Variants in TTN observed in about 807,000 individuals in gnomAD.
The protein encoded by TTN is connectin.
In TTN, 1,525 loss-of-function variants were observed where a neutral mutation model predicts 3,223.0. The ratio of observed to expected loss-of-function variants is 0.47; its 90% confidence interval spans 0.45 to 0.49. TTN has a LOEUF of 0.49. Ranked by LOEUF, TTN falls within the 20% of genes least tolerant of loss-of-function variation. The pLI is 0.00. For missense variants in TTN, 40,786 were observed against 43,424.0 expected (o/e 0.94, Z 5.40); for synonymous variants, 14,094 against 15,161.0 (o/e 0.93, Z 5.17).
chr2:178,621,505 A>T lies in TTN; in HGVS notation c.45319T>A (p.Ser15107Thr). The T allele has an allele frequency of 6.2e-7, 1 of 1,612,416 alleles. No individual in the cohort carries two copies. Among genetic ancestry groups the T allele is most frequent in the Non-Finnish European group, 8.5e-7 (1 of 1,179,090 alleles). ...AGNYNCRLPS[S>T]RTDGKVKVHE... Reference sequence around the variant, plus strand: ...ACTTTGACTTTGCCATCGGTTCGAGAGCTTGGGAGTCGACAGTTGTAGTTG... The same window carrying T: ...ACTTTGACTTTGCCATCGGTTCGAGTGCTTGGGAGTCGACAGTTGTAGTTG... The change falls in exon 245 of 363, where the codon TCT becomes ACT. Residue 15107 changes from serine (S) to threonine (T), a missense_variant. Physicochemically the swap from Ser to Thr is moderately conservative, Grantham distance 58. Coordinates refer to ENST00000589042, the MANE Select transcript of TTN (RefSeq NM_001267550.2).
In TTN at chr2:178,634,262, AT is replaced by A. The variant is rs2060147889; in HGVS notation, c.42415+103del. 6.7e-6 allele frequency: 10 copies of A among 1,502,516 alleles called. No individual in the cohort carries two copies. Among genetic ancestry groups the A allele is most frequent in the Middle Eastern group, 1.8e-4 (1 of 5,708 alleles). The allele number at this position is 1,502,516 out of a possible 1,614,324, so 93.1% of individuals were successfully genotyped here. A position where few individuals can be genotyped will look rare whatever the true frequency, so the allele number is the denominator to read the frequency against. ...TGTTTTGGTAACACTGTGAAAGTTA[AT>A]TAGTGATGCATTATCACAGCTTTTA... On this transcript the variant is annotated intron_variant, in intron 230 of 362. Transcript: ENST00000589042. This position sits in a 1 kb window ranked among gnomAD's most constrained non-coding sequence, Gnocchi z 4.6.
chr2:178,724,439 A>G lies in TTN; in HGVS notation c.20936T>C (p.Val6979Ala). The G allele has an allele frequency of 6.2e-7, 1 of 1,613,430 alleles. No homozygotes were observed. Among genetic ancestry groups the G allele is most frequent in the Non-Finnish European group, 8.5e-7 (1 of 1,179,542 alleles). ...CKVAGTPELSVEWYKDGKLLT... is the reference protein window; with the variant it reads ...CKVAGTPELSAEWYKDGKLLT... ...CAGCTTTCCATCCTTGTACCATTCA[A>G]CAGAGAGTTCCGGAGTGCCAGCCAC... Residue 6979 changes from valine to alanine, a missense_variant, in exon 72 of 363, where the codon GTT (valine) becomes GCT (alanine). Coordinates refer to ENST00000589042, the MANE Select transcript of TTN (RefSeq NM_001267550.2).
rs1690786587 is a variant in TTN, at chr2:178,534,986, G to T, written c.101629C>A (p.His33877Asn). 6.2e-7 allele frequency: 1 copy of T among 1,613,620 alleles called. No homozygotes were observed. Among genetic ancestry groups the T allele is most frequent in the African/African-American group, 1.3e-5 (1 of 75,030 alleles). Residue 33877 changes from histidine (H) to asparagine (N), a missense_variant, in exon 358 of 363, where the codon CAC becomes AAC. Transcript: ENST00000589042. ...LNIARHRNIL[H>N]LHESFESMEE... ...ATGCTTTCAAATGATTCATGGAGGT[G>T]TAAGATGTTTCTATGCCTAGCAATA...
At position 178,593,355 on chromosome 2, in the gene TTN, C is replaced by G; in HGVS notation, c.58853G>C (p.Arg19618Thr). Reference protein sequence around the residue: ...KPITNYILEKRETMSKRWARV... With the variant: ...KPITNYILEKTETMSKRWARV... ...AGCCCATCGTTTAGACATAGTTTCT[C>G]TCTTTTCCAGGATGTAGTTTGTGAT... Residue 19618 changes from arginine to threonine, a missense_variant, in exon 299 of 363, where the codon AGA becomes ACA. Transcript: ENST00000589042. The G allele has an allele frequency of 1.2e-6, 2 of 1,613,344 alleles. No homozygotes were observed. The highest frequency in any genetic ancestry group is 1.7e-6 in the Non-Finnish European group (2 of 1,179,540).
At position 178,550,237 on chromosome 2, in the gene TTN, T is replaced by A. The variant is rs182549226; in HGVS notation, c.91601A>T (p.Asp30534Val). ...CTCTCCGGACTTAATAATGAGACCA[T>A]CAAAGTATTCAGGGCCAAACTCTAC... The part of the protein sequence containing the change: ...PIVEFGPEYF[D>V]GLIIKSGESL... The change falls in exon 337 of 363, where the codon GAT becomes GTT. Residue 30534 changes from aspartate to valine, a missense_variant. Transcript: ENST00000589042. The A allele has an allele frequency of 9.4e-4, 1,514 of 1,613,256 alleles. No individual in the cohort carries two copies. The highest frequency in any genetic ancestry group is 1.0e-3 in the Non-Finnish European group (1,214 of 1,179,530).
chr2:178,732,156 C>T lies in TTN; in HGVS notation c.16813G>A (p.Asp5605Asn). ...TCACCACTGTCTTCGATGCCAACAT[C>T]TGTCAGTCTTAGAACTGCAGTAGAC... The part of the protein sequence containing the change: ...VESTAVLRLT[D>N]VGIEDSGEYM... The change falls in exon 57 of 363, where the codon GAT (aspartate) becomes AAT (asparagine). Residue 5605 changes from aspartate to asparagine, a missense_variant. Coordinates refer to ENST00000589042, the MANE Select transcript of TTN (RefSeq NM_001267550.2). The T allele has an allele frequency of 2.5e-6, 4 of 1,613,812 alleles. No individual in the cohort carries two copies. The highest frequency in any genetic ancestry group is 2.5e-6 in the Non-Finnish European group (3 of 1,179,754).
chr2:178,689,558 T>G lies in TTN; in HGVS notation c.31884A>C (p.Lys10628Asn). The G allele has an allele frequency of 1.2e-6, 2 of 1,610,224 alleles. No individual in the cohort carries two copies. The highest frequency in any genetic ancestry group is 1.7e-6 in the Non-Finnish European group (2 of 1,177,926). ...CCTCTCTTTGAGTTACAATGGTTAT[T>G]TTTTCTTCTGTCACAACTCCCTTCT... ...EVQKGVVTEE[K>N]ITIVTQREES... The change falls in exon 123 of 363, where the codon AAA (lysine) becomes AAC (asparagine). Residue 10628 changes from lysine (K) to asparagine (N), a missense_variant. Lys to Asn is a moderately conservative substitution (Grantham distance 94). Transcript: ENST00000589042.
In TTN at chr2:178,615,662, C is replaced by T; in HGVS notation, c.48439G>A (p.Val16147Ile). 6.2e-7 allele frequency: 1 copy of T among 1,612,422 alleles called. No individual in the cohort carries two copies. Among genetic ancestry groups the T allele is most frequent in the Non-Finnish European group, 8.5e-7 (1 of 1,178,928 alleles). The change falls in exon 258 of 363, where the codon GTA becomes ATA. Residue 16147 changes from valine (V) to isoleucine (I), a missense_variant. Transcript: ENST00000589042. ...TCACTTGCAGGAGTTGACATATTTA[C>T]AGGTTCATCAACATATGCAGGTTCT... ...PGEPAYVDEP[V>I]NMSTPATVPD... is the part of the protein sequence containing the mutation.
At position 178,730,810 on chromosome 2, in the gene TTN, AAAC is replaced by A. The variant is rs1227943696; in HGVS notation, c.17741-21_17741-19del. 4 of 1,548,390 alleles carry A rather than the reference AAAC, an allele frequency of 2.6e-6. 1 individual carries two copies. The highest frequency in any genetic ancestry group is 2.5e-5 in the South Asian group (2 of 79,864). On this transcript the variant is annotated intron_variant, in intron 60 of 362. Transcript: ENST00000589042. ...GATAAGATCTATTCAATGAAAAAGC[AAAC>A]AACAACAAAAAAAGGTCAATCTACT...
In TTN at chr2:178,617,227, C is replaced by T. The variant is rs763457943; in HGVS notation, c.47768G>A (p.Gly15923Glu). Residue 15923 changes from glycine (G) to glutamate (E), a missense_variant, in exon 255 of 363, where the codon GGA (glycine) becomes GAA (glutamate). Gly to Glu is a moderately conservative substitution (Grantham distance 98). Transcript: ENST00000589042. ...LVPELTYKVTGLEKGNKYLYR... is the reference protein window; with the variant it reads ...LVPELTYKVTELEKGNKYLYR... ...TAAATATTTATTTCCTTTTTCCAAT[C>T]CGGTAACCTACGATTATGAATTAAT... The T allele has an allele frequency of 1.3e-6, 2 of 1,546,642 alleles. No homozygotes were observed. The highest frequency in any genetic ancestry group is 2.5e-5 in the South Asian group (2 of 80,958).
At position 178,539,480 on chromosome 2, in the gene TTN, T is replaced by C. The variant is rs754522958; in HGVS notation, c.98585A>G (p.Glu32862Gly). ...GTSLVVKGLKENVEYHFRVSA... is the reference protein window; with the variant it reads ...GTSLVVKGLKGNVEYHFRVSA... ...AACACGGAAATGGTATTCTACATTC[T>C]CTTTGAGGCCTTTTACCACCAGAGA... is the stretch of plus-strand genomic sequence containing the variant. The change falls in exon 352 of 363, where the codon GAG becomes GGG. Residue 32862 changes from glutamate to glycine, a missense_variant. Glu to Gly is a moderately conservative substitution (Grantham distance 98, BLOSUM62 -2). Transcript: ENST00000589042. 1 of 1,613,870 alleles carries C rather than the reference T, an allele frequency of 6.2e-7. No homozygotes were observed. The highest frequency in any genetic ancestry group is 1.1e-5 in the South Asian group (1 of 91,072).
chr2:178,574,599 T>C lies in TTN; in HGVS notation c.71533A>G (p.Ile23845Val). Reference protein sequence around the residue: ...VTAVTKDSMTISWHEPLSDGG... With the variant: ...VTAVTKDSMTVSWHEPLSDGG... ...TCAGAAAGTGGCTCATGCCAGCTAA[T>C]TGTCATTGAATCCTTGGTAACTGCA... Residue 23845 changes from isoleucine (I) to valine (V), a missense_variant, in exon 326 of 363, where the codon ATT becomes GTT. Physicochemically the swap from Ile to Val is conservative, Grantham distance 29. Transcript: ENST00000589042. 2 of 1,613,404 alleles carry C rather than the reference T, an allele frequency of 1.2e-6. No individual in the cohort carries two copies. Among genetic ancestry groups the C allele is most frequent in the Non-Finnish European group, 1.7e-6 (2 of 1,179,574 alleles).
chr2:178,567,146 GT>G lies in TTN; in HGVS notation c.78985del (p.Thr26329ProfsTer14). 6.2e-7 allele frequency: 1 copy of G among 1,613,504 alleles called. No homozygotes were observed. The highest frequency in any genetic ancestry group is 8.5e-7 in the Non-Finnish European group (1 of 1,179,628). Reference protein sequence around the residue: ...ISHYVVEKRETSRLAWTVVAS... With the variant: ...ISHYVVEKREXSRLAWTVVAS... ...AACAACAGTCCAGGCAAGTCGACTG[GT>G]TTCTCGCTTTTCAACAACATAGTGA... On this transcript the variant is annotated frameshift_variant, in exon 326 of 363. Transcript: ENST00000589042. LOFTEE classifies it high-confidence loss of function.
Position 178,741,011 on chromosome 2 carries a change from A to C in TTN, c.12222T>G (p.Phe4074Leu). The C allele has an allele frequency of 6.2e-7, 1 of 1,613,908 alleles. No homozygotes were observed. The highest frequency in any genetic ancestry group is 8.5e-7 in the Non-Finnish European group (1 of 1,179,820). Reference sequence around the variant, plus strand: ...CAGCTTTCAAAATGGTGTCTTTTACAAACGTTGCAATTTCCTGCTCTGAGT... The same window carrying C: ...CAGCTTTCAAAATGGTGTCTTTTACCAACGTTGCAATTTCCTGCTCTGAGT... ...ALDSEQEIATFVKDTILKAAL... is the reference protein window; with the variant it reads ...ALDSEQEIATLVKDTILKAAL... The change falls in exon 48 of 363, where the codon TTT becomes TTG. Residue 4074 changes from phenylalanine (F) to leucine (L), a missense_variant. Coordinates refer to ENST00000589042, the MANE Select transcript of TTN (RefSeq NM_001267550.2).
At position 178,695,942 on chromosome 2, in the gene TTN, T is replaced by C. The variant is rs1478104822; in HGVS notation, c.31130A>G (p.Tyr10377Cys). The change falls in exon 114 of 363, where the codon TAT becomes TGT. Residue 10377 changes from tyrosine (Y) to cysteine (C), a missense_variant. Physicochemically the swap from Tyr to Cys is radical, Grantham distance 194. Coordinates refer to ENST00000589042, the MANE Select transcript of TTN (RefSeq NM_001267550.2). Reference sequence around the variant, plus strand: ...TTCCCACTCTTCCTCCCCTTCGTCATAGCCTTCTTCCCTTTCATAGTATTC... The same window carrying C: ...TTCCCACTCTTCCTCCCCTTCGTCACAGCCTTCTTCCCTTTCATAGTATTC... Reference protein sequence around the residue: ...GQEYYEREEGYDEGEEEWEEA... With the variant: ...GQEYYEREEGCDEGEEEWEEA... 7.2e-6 allele frequency: 11 copies of C among 1,517,244 alleles called. No homozygotes were observed. Among genetic ancestry groups the C allele is most frequent in the South Asian group, 5.3e-5 (4 of 76,008 alleles). The allele number at this position is 1,517,244 out of a possible 1,614,324, so 94.0% of individuals were successfully genotyped here. A position where few individuals can be genotyped will look rare whatever the true frequency, so the allele number is the denominator to read the frequency against.
Position 178,756,630 on chromosome 2 carries a change from C to A in TTN, c.10846G>T (p.Val3616Leu), listed in dbSNP as rs1035112005. The A allele has an allele frequency of 1.2e-6, 2 of 1,613,712 alleles. No individual in the cohort carries two copies. Among genetic ancestry groups the A allele is most frequent in the Non-Finnish European group, 1.7e-6 (2 of 1,179,756 alleles). Residue 3616 changes from valine to leucine, a missense_variant, in exon 46 of 363, where the codon GTA (valine) becomes TTA (leucine). Physicochemically the swap from Val to Leu is conservative, Grantham distance 32. Transcript: ENST00000589042. ...YEYEVQVFES[V>L]SQSSIHTAAS... is the part of the protein sequence containing the mutation. ...GCTGTGTGGATGGAACTTTGAGATACACTTTCAAAAACCTGCACTTCATAT... is the reference window on the plus strand; with the variant it reads ...GCTGTGTGGATGGAACTTTGAGATAAACTTTCAAAAACCTGCACTTCATAT...
chr2:178,582,049 C>T lies in TTN; in HGVS notation c.66320G>A (p.Arg22107Lys), dbSNP rs548035555. 2.5e-6 allele frequency: 4 copies of T among 1,613,334 alleles called. No individual in the cohort carries two copies. In the African/African-American group the frequency reaches 4.0e-5, roughly 16 times the overall value. The change falls in exon 315 of 363, where the codon AGA becomes AAA. Residue 22107 changes from arginine to lysine, a missense_variant. By Grantham distance (26) the Arg-to-Lys change is conservative. Coordinates refer to ENST00000589042, the MANE Select transcript of TTN (RefSeq NM_001267550.2). Reference sequence around the variant, plus strand: ...TAATGTTCTTTCTATAATAGGTTTTCTGTTGACCTTAGTCCAGTTAACAGC... The same window carrying T: ...TAATGTTCTTTCTATAATAGGTTTTTTGTTGACCTTAGTCCAGTTAACAGC... Reference protein sequence around the residue: ...TQAVNWTKVNRKPIIERTLKA... With the variant: ...TQAVNWTKVNKKPIIERTLKA...
intron 273 of TTN, 50 bp downstream of exon 273, chr2:178,609,158 T>A: frequency 6.9e-7 from 1 of 1,439,028 alleles, no homozygotes; most frequent in Non-Finnish European, 9.1e-7. Flanking sequence ...TTTATTTTTA[T>A]GTTTTACTAA....
In TTN at chr2:178,593,303, T is replaced by G; in HGVS notation, c.58905A>C (p.Pro19635=). The part of the protein sequence containing the change: ...WARVTKDPIH[P]YTKFRVPDLL... ...GATCAGGAACCCTAAATTTAGTGTATGGATGAATAGGATCTTTGGTAACTC... is the reference window on the plus strand; with the variant it reads ...GATCAGGAACCCTAAATTTAGTGTAGGGATGAATAGGATCTTTGGTAACTC... Residue 19635 remains proline, a synonymous_variant, in exon 299 of 363, where the codon CCA becomes CCC. Coordinates refer to ENST00000589042, the MANE Select transcript of TTN (RefSeq NM_001267550.2). 6.2e-7 allele frequency: 1 copy of G among 1,613,388 alleles called. No individual in the cohort carries two copies.
Sources: gnomAD v4.1 joint callset for allele counts on GRCh38, gnomAD v4.1.1 for gene constraint, Gnocchi (gnomAD v3.1) non-coding constraint, MANE v1.5 for transcripts, NCBI Gene and HGNC (gene_info 2026-07-23, HGNC 2026-07-21) for gene names.